The following IL34 variants were observed in gnomAD, a reference collection of about 807,000 sequenced individuals.
IL34 encodes the protein interleukin 34, also known as interleukin-34.
In IL34, 17 loss-of-function variants were observed where a neutral mutation model predicts 25.3. The ratio of observed to expected loss-of-function variants is 0.67; its 90% CI spans 0.46 to 1.01. The LOEUF (loss-of-function observed/expected upper bound fraction) is 1.01, where lower values mean the gene tolerates loss of function less well. Among genes scored for constraint, IL34 ranks in the 50% least tolerant of loss-of-function variants. The pLI is 0.00. For synonymous variants in IL34, 174 were observed against 140.9 expected (o/e 1.23, Z -1.66); for missense variants, 368 against 312.9 (o/e 1.18, Z -1.33).
At chr16:70,650,027 G>C (rs962121182) in intron 1 of IL34, among the ~76,000 whole-genome samples, 10 of 152,150 alleles carry the variant, frequency 6.6e-5, no homozygotes, top group African/African-American at 2.4e-4. Context: ...TTGAACTCCT[G>C]ACCTCAGGTG....
intron 1 of IL34, among the ~76,000 whole-genome samples, chr16:70,618,828 C>T (rs915007297): frequency 6.6e-5 from 10 of 152,104 alleles, no homozygotes; most frequent in African/African-American, 2.2e-4. Flanking sequence ...TGGGGGCTGT[C>T]TGTGAAGCTT....
chr16:70,611,295 T>A (rs995698244), intron 1 of IL34, among the ~76,000 whole-genome samples: 1 of 152,118 alleles, frequency 6.6e-6, no homozygotes, highest in Admixed American at 6.5e-5. Flanking sequence ...CTGAACTCGC[T>A]CTTGTATCCA....
chr16:70,583,743 C>T (rs1198061443), intron 1 of IL34, among the ~76,000 whole-genome samples: 1 of 150,780 alleles, frequency 6.6e-6, no homozygotes, highest in African/African-American at 2.4e-5. Flanking sequence ...ACCTCTGCCT[C>T]TTGGGGTCAA....
intron 1 of IL34, among the ~76,000 whole-genome samples, chr16:70,632,101 CAAAA>C (rs71151199): frequency 1.5e-4 from 16 of 106,712 alleles, no homozygotes; most frequent in East Asian, 8.0e-4. Context: ...GACCCTGTCT[CAAAA>C]AAAAAAAAAA....
At chr16:70,642,725 T>A (rs773006557), upstream of IL34, among the ~76,000 whole-genome samples, 2 of 152,148 alleles carry the variant, frequency 1.3e-5, no homozygotes, top group African/African-American at 4.8e-5. Flanking sequence ...CTTCAACACA[T>A]GTATTTTGGA....
rs755199626 is a variant in IL34, at chr16:70,657,085, G to T, written c.366G>T (p.Val122=). The T allele has an allele frequency of 6.2e-7, 1 of 1,613,146 alleles. No homozygotes were observed. The highest frequency in any genetic ancestry group is 8.5e-7 in the Non-Finnish European group (1 of 1,179,982). Reference sequence around the variant, plus strand: ...CATCCTGGAAGTACCTGCAGGAGGTGGAGACGCTGCTGCTGAATGTCCAGC... The same window carrying T: ...CATCCTGGAAGTACCTGCAGGAGGTTGAGACGCTGCTGCTGAATGTCCAGC... ...GHPSWKYLQE[V]ETLLLNVQQG... The change falls in exon 4 of 6, where the codon GTG becomes GTT. Residue 122 remains valine, a synonymous_variant. Coordinates refer to ENST00000288098, the MANE Select transcript of IL34 (RefSeq NM_001393494.1).
chr16:70,643,396 G>C (rs769494740), upstream of IL34, among the ~76,000 whole-genome samples: 10 of 151,970 alleles, frequency 6.6e-5, no homozygotes, highest in Non-Finnish European at 1.3e-4. Flanking sequence ...TTTGAGACAG[G>C]GTCTTGCTTT....
At chr16:70,649,853 C>T (rs924800675) in intron 1 of IL34, among the ~76,000 whole-genome samples, 29 of 152,112 alleles carry the variant, frequency 1.9e-4, no homozygotes, top group African/African-American at 7.0e-4. Flanking sequence ...GGCTGGAGTG[C>T]TGCGGCACGA....
intron 1 of IL34, among the ~76,000 whole-genome samples, chr16:70,590,761 G>A (rs954719780): frequency 2.0e-5 from 3 of 152,144 alleles, no homozygotes; most frequent in Non-Finnish European, 1.5e-5. Context: ...GCTGGGATTC[G>A]AACCCAGGCA....
intron 2 of IL34, 110 bp downstream of exon 2, chr16:70,654,781 G>T (rs1329146520): frequency 9.7e-6 from 13 of 1,345,028 alleles, no homozygotes; most frequent in Non-Finnish European, 1.2e-5. Flanking sequence ...GCCCTGAGCC[G>T]ACCATGGCCT....
chr16:70,648,677 G>A (rs994206146), intron 1 of IL34, among the ~76,000 whole-genome samples: 1 of 151,988 alleles, frequency 6.6e-6, no homozygotes, highest in African/African-American at 2.4e-5. Context: ...GGATGAGGGA[G>A]AGGGAGAGCA....
chr16:70,606,921 A>C (rs6499326), intron 1 of IL34, among the ~76,000 whole-genome samples: 4,419 of 152,112 alleles, frequency 0.029, 235 homozygotes, highest in African/African-American at 0.1. Flanking sequence ...ATTCTGTTGT[A>C]TGGACATACT....
At chr16:70,656,461 G>C (rs2052221620) in intron 2 of IL34, 141 bp from the exon 3 acceptor site, 1 of 674,110 alleles carries the variant, frequency 1.5e-6, no homozygotes, top group East Asian at 2.7e-5. Flanking sequence ...CAAGGCTTCC[G>C]TGAGCCATGA....
chr16:70,636,324 C>T (rs2051642927), intron 1 of IL34, among the ~76,000 whole-genome samples: 1 of 152,108 alleles, frequency 6.6e-6, no homozygotes, highest in Non-Finnish European at 1.5e-5. Context: ...GTGTGAGCCA[C>T]TGTGCCAGGC....
chr16:70,587,717 A>C (rs771699273), intron 1 of IL34, among the ~76,000 whole-genome samples: 7 of 151,636 alleles, frequency 4.6e-5, no homozygotes, highest in Admixed American at 3.9e-4. Flanking sequence ...CACACCCTTC[A>C]GGATGGCTGC....
At chr16:70,590,872 T>G (rs755906936) in intron 1 of IL34, among the ~76,000 whole-genome samples, 1 of 151,986 alleles carries the variant, frequency 6.6e-6, no homozygotes, top group Non-Finnish European at 1.5e-5. Context: ...GTTCCTGGGG[T>G]CAGGGGTGCC....
chr16:70,643,588 T>A (rs2151865524), upstream of IL34, among the ~76,000 whole-genome samples: 1 of 152,354 alleles, frequency 6.6e-6, no homozygotes, highest in African/African-American at 2.4e-5. Flanking sequence ...TTGCCCGGGC[T>A]GGTCTCAAAG....
intron 1 of IL34, among the ~76,000 whole-genome samples, chr16:70,638,209 G>A (rs2051698836): frequency 6.6e-6 from 1 of 152,102 alleles, no homozygotes; most frequent in Non-Finnish European, 1.5e-5. Flanking sequence ...GGGCGCGATG[G>A]CTCATGCCTG....
intron 1 of IL34, among the ~76,000 whole-genome samples, chr16:70,639,980 A>T (rs757158511): frequency 5.9e-5 from 9 of 152,022 alleles, no homozygotes; most frequent in Non-Finnish European, 1.3e-4. Context: ...ACAGAGGAAC[A>T]TGTTGAAGTG....
Sources: allele counts gnomAD v4.1 joint callset (sites outside exome capture counted in the v4.1 genomes callset), GRCh38; gene constraint gnomAD v4.1.1; transcripts MANE v1.5; gene names NCBI Gene and HGNC (gene_info 2026-07-23, HGNC 2026-07-21).